Variants in ZNF451 observed in about 807,000 individuals in gnomAD.
ZNF451 encodes the protein E3 SUMO-protein ligase ZNF451.
A neutral mutation model predicts 107.1 loss-of-function variants in ZNF451; 80 were observed. That is an observed-to-expected ratio of 0.75 (90% CI 0.62 to 0.90). The LOEUF (loss-of-function observed/expected upper bound fraction) is 0.90. Ranked by LOEUF, ZNF451 falls within the 40% of genes least tolerant of loss-of-function variation. ZNF451 has a pLI of 0.00. For synonymous variants in ZNF451, 362 were observed against 406.5 expected, an observed-to-expected ratio of 0.89 and a Z score of 1.32; for missense variants, 1,107 against 1,236.2, an observed-to-expected ratio of 0.90 and a Z score of 1.57.
intron 3 of ZNF451, chr6:57,114,824 A>AT (rs1165987741): frequency 4.6e-5 from 7 of 152,210 alleles, no homozygotes; most frequent in Non-Finnish European, 8.8e-5. Context: ...TTTATTACAT[A>AT]TGCTGATTGT....
chr6:57,159,512 A>C (rs988668852), intron 13 of ZNF451: 2 of 473,418 alleles, frequency 4.2e-6, no homozygotes, highest in Non-Finnish European at 5.5e-6. Context: ...AACTTTCTTA[A>C]AACATTATAA....
At chr6:57,125,666 T>C (rs1562606759) in intron 4 of ZNF451, among the ~76,000 whole-genome samples, 1 of 152,178 alleles carries the variant, frequency 6.6e-6, no homozygotes, top group Non-Finnish European at 1.5e-5. Context: ...GACTCCTTAT[T>C]CCATTGGTTA....
At chr6:57,128,683 A>C (rs1184345607) in intron 4 of ZNF451, 46 bp from the exon 5 acceptor site, 3 of 1,344,290 alleles carry the variant, frequency 2.2e-6, no homozygotes, top group Non-Finnish European at 3.1e-6. Context: ...TTTCTCAAGG[A>C]AAACAGGGTA....
At chr6:57,096,846 G>A (rs1829350302) in intron 2 of ZNF451, among the ~76,000 whole-genome samples, 2 of 129,048 alleles carry the variant, frequency 1.5e-5, no homozygotes, top group Admixed American at 1.9e-4. Context: ...CACCATCTCA[G>A]CTCACTGCAG....
Position 57,168,431 on chromosome 6 carries a change from T to A in ZNF451, c.3148T>A (p.Leu1050Ile), listed in dbSNP as rs2127990590. The A allele has an allele frequency of 6.2e-7, 1 of 1,605,938 alleles. No individual in the cohort carries two copies. Among genetic ancestry groups the A allele is most frequent in the Non-Finnish European group, 8.5e-7 (1 of 1,175,258 alleles). ...EEFISTEDVE[L>I]EEAIRRSLEE... ...TATGTTTTTTAATGCAGATGTGGAA[T>A]TAGAAGAAGCTATTAGAAGAAGTCT... The change falls in exon 15 of 15, where the codon TTA becomes ATA. Residue 1050 changes from leucine to isoleucine, a missense_variant. Physicochemically the swap from Leu to Ile is conservative, Grantham distance 5. Around this residue, in one of 5 missense-constraint regions of ZNF451, gnomAD observed 151 missense variants for 173.3 expected, o/e 0.87. Transcript: ENST00000370706.
intron 10 of ZNF451, 34 bp downstream of exon 10, chr6:57,148,727 A>G (rs1407182153): frequency 1.4e-5 from 21 of 1,527,604 alleles, no homozygotes; most frequent in Non-Finnish European, 1.8e-5. Flanking sequence ...AATTTCATAT[A>G]CTGATATTGA....
At chr6:57,154,227 G>C (rs1281367181) in intron 13 of ZNF451, 180 bp downstream of exon 13, 1 of 635,950 alleles carries the variant, frequency 1.6e-6, no homozygotes, top group African/African-American at 1.8e-5. Flanking sequence ...TAGTGTTTTA[G>C]AAGGAGGATG....
chr6:57,095,068 G>A (rs1028529262), intron 2 of ZNF451, among the ~76,000 whole-genome samples: 2 of 152,106 alleles, frequency 1.3e-5, no homozygotes, highest in East Asian at 1.9e-4. Flanking sequence ...TTTTACTTCC[G>A]TAAGCTCATT....
At chr6:57,098,997 G>A (rs1290161881) in intron 2 of ZNF451, 64 bp from the exon 3 acceptor site, 9 of 1,344,082 alleles carry the variant, frequency 6.7e-6, no homozygotes, top group East Asian at 2.3e-5. Context: ...AACACTGTAG[G>A]TTTAAATGCT....
chr6:57,090,505 G>A (rs1829015452), intron 1 of ZNF451, among the ~76,000 whole-genome samples: 1 of 123,062 alleles, frequency 8.1e-6, no homozygotes, highest in African/African-American at 3.1e-5. Flanking sequence ...CCGCGGCTGG[G>A]CCAGTGGGAG....
chr6:57,109,078 G>A, intron 3 of ZNF451: 2 of 985,292 alleles, frequency 2.0e-6, no homozygotes, highest in Non-Finnish European at 2.4e-6. Flanking sequence ...AGTATTTGAT[G>A]TCTTAGCTAT....
At chr6:57,124,708 G>A (rs766890472) in intron 3 of ZNF451, 26 bp from the exon 4 acceptor site, 15 of 1,497,798 alleles carry the variant, frequency 1.0e-5, no homozygotes, top group African/African-American at 1.4e-5. Flanking sequence ...TTGTTAAAAG[G>A]AATGAAAATT....
intron 7 of ZNF451, among the ~76,000 whole-genome samples, chr6:57,135,818 GATATTTGAGTAA>G (rs1831401483): frequency 6.6e-6 from 1 of 151,934 alleles, no homozygotes; most frequent in African/African-American, 2.4e-5. Context: ...TCCATATTTG[GATATTTGAGTAA>G]ATATCAAATT....
Position 57,147,708 on chromosome 6 carries a change from A to G in ZNF451, c.1623A>G (p.Thr541=), listed in dbSNP as rs771644599. Residue 541 remains threonine, a synonymous_variant, in exon 10 of 15, where the codon ACA becomes ACG. Coordinates refer to ENST00000370706, the MANE Select transcript of ZNF451 (RefSeq NM_001031623.3). ...FWCRTCKKEL[T]RKDTIMAHVT... ...GTCGGACATGCAAAAAGGAGTTAACAAGGAAAGATACTATCATGGCACATG... is the reference window on the plus strand; with the variant it reads ...GTCGGACATGCAAAAAGGAGTTAACGAGGAAAGATACTATCATGGCACATG... 1.5e-5 allele frequency: 25 copies of G among 1,613,946 alleles called. No individual in the cohort carries two copies. In the South Asian group the frequency reaches 2.5e-4, roughly 16 times the overall value.
chr6:57,142,117 T>C (rs1831798876), intron 9 of ZNF451, 22 bp downstream of exon 9: 20 of 1,585,982 alleles, frequency 1.3e-5, no homozygotes, highest in Non-Finnish European at 1.6e-5. Flanking sequence ...TCTGGAGCTG[T>C]AAAGGAATAC....
chr6:57,100,372 C>T (rs2127938630), intron 3 of ZNF451, among the ~76,000 whole-genome samples: 1 of 152,136 alleles, frequency 6.6e-6, no homozygotes, highest in Admixed American at 6.5e-5. Context: ...AAACAGAGTC[C>T]CAGATTAATG....
chr6:57,108,993 T>A (rs1416351898), intron 3 of ZNF451: 2 of 985,320 alleles, frequency 2.0e-6, no homozygotes, highest in East Asian at 2.3e-4. Context: ...GTTTTACTTC[T>A]ATGGTAAACT....
At chr6:57,132,631 G>A (rs1171190966) in intron 5 of ZNF451, among the ~76,000 whole-genome samples, 2 of 152,008 alleles carry the variant, frequency 1.3e-5, no homozygotes, top group African/African-American at 4.8e-5. Context: ...GGGAGTAGGG[G>A]CGTAACCTTC....
chr6:57,092,066 TTAA>T (rs1829075139), intron 2 of ZNF451, among the ~76,000 whole-genome samples: 2 of 152,158 alleles, frequency 1.3e-5, no homozygotes, highest in Admixed American at 6.5e-5. Context: ...TGAAGTATGT[TTAA>T]TAACAGGTTT....
Sources: allele counts gnomAD v4.1 joint callset (sites outside exome capture counted in the v4.1 genomes callset), GRCh38; gene constraint gnomAD v4.1.1; regional missense constraint gnomAD v4.1.1; transcripts MANE v1.5; gene names NCBI Gene and HGNC (gene_info 2026-07-23, HGNC 2026-07-21).